PDS5A: variants seen among roughly 807,000 people sequenced by gnomAD.
PDS5A encodes the protein sister chromatid cohesion protein PDS5 homolog A.
A neutral mutation model predicts 167.1 loss-of-function variants in PDS5A; 42 were observed. That is an observed-to-expected ratio of 0.25 (90% CI 0.20 to 0.33). The LOEUF is 0.33. Among genes scored for constraint, PDS5A ranks in the 10% least tolerant of loss-of-function variants. The probability of loss-of-function intolerance (pLI) is 1.00; values close to 1 mark genes in which losing one functional copy is unlikely to be tolerated. For synonymous variants in PDS5A, 553 were observed against 554.6 expected, an observed-to-expected ratio of 1.00 and a Z score of 0.04; for missense variants, 1,033 against 1,605.9, an observed-to-expected ratio of 0.64 and a Z score of 6.10.
At chr4:39,860,992 G>C (rs1275217636) in intron 26 of PDS5A, among the ~76,000 whole-genome samples, 2 of 151,738 alleles carry the variant, frequency 1.3e-5, no homozygotes, top group Admixed American at 6.6e-5. Flanking sequence ...TTTAGCCCAG[G>C]AGGTCAAGGT....
chr4:39,961,170 C>A (rs1053141307), intron 2 of PDS5A, among the ~76,000 whole-genome samples: 1 of 152,114 alleles, frequency 6.6e-6, no homozygotes, highest in Admixed American at 6.6e-5. Context: ...TATATTGTAA[C>A]GAACTGTAGA....
chr4:39,959,356 T>C (rs1161514037), intron 2 of PDS5A, among the ~76,000 whole-genome samples: 3 of 152,164 alleles, frequency 2.0e-5, no homozygotes, highest in Non-Finnish European at 4.4e-5. Flanking sequence ...AATCTAAATT[T>C]TTTTGTTGTT....
chr4:39,866,166 G>A (rs1719432765), intron 23 of PDS5A, among the ~76,000 whole-genome samples: 1 of 152,170 alleles, frequency 6.6e-6, no homozygotes, highest in African/African-American at 2.4e-5. Context: ...CCAGGCTGGA[G>A]TGCGGTGGCA....
chr4:39,866,811 T>C (rs777137046), intron 23 of PDS5A, 50 bp downstream of exon 23: 54 of 1,556,686 alleles, frequency 3.5e-5, no homozygotes, highest in Admixed American at 5.6e-5. Context: ...CTATGTAAAT[T>C]CCACCAAAAT....
chr4:39,833,526 C>G (rs181970355), intron 32 of PDS5A, among the ~76,000 whole-genome samples: 145 of 152,206 alleles, frequency 9.5e-4, no homozygotes, highest in Middle Eastern at 3.4e-3. Context: ...GTAGCCAAGA[C>G]TATGGGCACA....
intron 2 of PDS5A, among the ~76,000 whole-genome samples, chr4:39,962,310 C>A (rs1414178935): frequency 1.3e-5 from 2 of 151,934 alleles, no homozygotes; most frequent in Non-Finnish European, 2.9e-5. Flanking sequence ...CCCGCCTTGG[C>A]CTCCCAAAGT....
chr4:39,890,208 G>A, intron 17 of PDS5A, 41 bp downstream of exon 17: 1 of 1,078,154 alleles, frequency 9.3e-7, no homozygotes, highest in Non-Finnish European at 1.4e-6. Flanking sequence ...TGTCGTTGCA[G>A]ATTATTATTT....
At chr4:39,878,647 T>TAACACTTTTAAATAAA (rs1720680175) in intron 18 of PDS5A, among the ~76,000 whole-genome samples, 1 of 152,192 alleles carries the variant, frequency 6.6e-6, no homozygotes, top group African/African-American at 2.4e-5. Flanking sequence ...ACCTTAAAGG[T>TAACACTTTTAAATAAA]GGTTTCACTT....
At chr4:39,839,755 G>T (rs1168347976) in intron 31 of PDS5A, among the ~76,000 whole-genome samples, 4 of 10,894 alleles carry the variant, frequency 3.7e-4, no homozygotes, top group African/African-American at 7.4e-4. Context: ...ATATGATTCT[G>T]GGGGGGGGGG....
At chr4:39,953,472 T>TGTAATCCCA (rs1049490325) in intron 2 of PDS5A, among the ~76,000 whole-genome samples, 1 of 151,154 alleles carries the variant, frequency 6.6e-6, no homozygotes, top group African/African-American at 2.4e-5. Context: ...GGCTCACAAC[T>TGTAATCCCA]GTAATCCCAG....
chr4:39,932,360 C>G (rs983558406), intron 2 of PDS5A: 1 of 154,300 alleles, frequency 6.5e-6, no homozygotes, highest in Non-Finnish European at 1.5e-5. Context: ...ACATAGACTA[C>G]GTGGAAGAGA....
intron 8 of PDS5A, 50 bp from the exon 9 acceptor site, chr4:39,913,776 C>T (rs1442529237): frequency 1.1e-6 from 1 of 930,550 alleles, no homozygotes; most frequent in South Asian, 1.3e-5. Context: ...CACCAGATTA[C>T]AGAAAATATC....
intron 2 of PDS5A, among the ~76,000 whole-genome samples, chr4:39,953,989 T>C (rs1220273244): frequency 1.3e-5 from 2 of 151,862 alleles, no homozygotes; most frequent in African/African-American, 2.4e-5. Context: ...TCTACCAAGT[T>C]AAAAACAAAA....
intron 7 of PDS5A, among the ~76,000 whole-genome samples, chr4:39,918,900 T>C (rs975953675): frequency 6.6e-6 from 1 of 152,156 alleles, no homozygotes; most frequent in African/African-American, 2.4e-5. Context: ...TCATATTTAC[T>C]ATGCAGACAT....
chr4:39,930,397 G>A (rs1279378323), intron 2 of PDS5A, among the ~76,000 whole-genome samples: 1 of 151,232 alleles, frequency 6.6e-6, no homozygotes. Context: ...CTGGGCTATT[G>A]AGTATTTTTT....
At chr4:39,944,067 A>T (rs1203444950) in intron 2 of PDS5A, among the ~76,000 whole-genome samples, 1 of 150,252 alleles carries the variant, frequency 6.7e-6, no homozygotes, top group Non-Finnish European at 1.5e-5. Context: ...AGTCCCAGCT[A>T]CTCAGGAGGC....
chr4:39,925,525 C>G (rs938773892), intron 5 of PDS5A, among the ~76,000 whole-genome samples: 1 of 152,160 alleles, frequency 6.6e-6, no homozygotes, highest in East Asian at 1.9e-4. Context: ...ATGTGGTTGC[C>G]TCTATTAGAT....
At chr4:39,843,972 C>A (rs1717313285) in intron 30 of PDS5A, among the ~76,000 whole-genome samples, 1 of 151,672 alleles carries the variant, frequency 6.6e-6, no homozygotes, top group South Asian at 2.1e-4. Flanking sequence ...TGACGAAACT[C>A]CATCTTTATG....
intron 17 of PDS5A, among the ~76,000 whole-genome samples, chr4:39,889,419 A>G (rs1459164710): frequency 6.6e-6 from 1 of 152,278 alleles, no homozygotes; most frequent in Non-Finnish European, 1.5e-5. Context: ...TCAGCATTTC[A>G]ATACAGCCAC....
Sources: allele counts gnomAD v4.1 joint callset (sites outside exome capture counted in the v4.1 genomes callset), GRCh38; gene constraint gnomAD v4.1.1; transcripts MANE v1.5; gene names NCBI Gene and HGNC (gene_info 2026-07-23, HGNC 2026-07-21).